Variants in SI observed in about 807,000 individuals in gnomAD.
SI encodes sucrase-isomaltase, intestinal.
A neutral mutation model predicts 253.3 loss-of-function variants in SI; 235 were observed. That is an observed-to-expected ratio of 0.93 (90% CI 0.83 to 1.03). The LOEUF is 1.03. Ranked by LOEUF, SI falls within the 50% of genes least tolerant of loss-of-function variation. The pLI is 0.00. For synonymous variants in SI, 819 were observed against 712.0 expected, an observed-to-expected ratio of 1.15 and a Z score of -2.39; for missense variants, 2,442 against 2,211.1, an observed-to-expected ratio of 1.10 and a Z score of -2.09.
At chr3:165,004,007 G>C (rs1474982883) in intron 37 of SI, among the ~76,000 whole-genome samples, 1 of 151,934 alleles carries the variant, frequency 6.6e-6, no homozygotes, top group East Asian at 1.9e-4. Context: ...GCAGTGAAAA[G>C]ACAAACCACA....
intron 37 of SI, among the ~76,000 whole-genome samples, chr3:165,005,133 C>T (rs996146200): frequency 6.6e-6 from 1 of 152,068 alleles, no homozygotes; most frequent in Non-Finnish European, 1.5e-5. Context: ...GTCAATTCAA[C>T]CTCTTTAAAT....
chr3:165,000,705 A>G (rs1157580275), intron 37 of SI, among the ~76,000 whole-genome samples: 1 of 151,496 alleles, frequency 6.6e-6, no homozygotes, highest in Non-Finnish European at 1.5e-5. Flanking sequence ...CACTAAAGAT[A>G]TAAAGTTCAA....
At position 165,017,829 on chromosome 3, in the gene SI, C is replaced by T. The variant is rs1719113160; in HGVS notation, c.3565G>A (p.Gly1189Arg). ...AACATATAAAAATCCAAGATCCCTCCAACTGTACGGTAAGTTAGAGCAGGA... is the reference window on the plus strand; with the variant it reads ...AACATATAAAAATCCAAGATCCCTCTAACTGTACGGTAAGTTAGAGCAGGA... ...PTPALTYRTV[G>R]GILDFYMFLG... The change falls in exon 30 of 48, where the codon GGA (glycine) becomes AGA (arginine). Residue 1189 changes from glycine to arginine, a missense_variant. Physicochemically the swap from Gly to Arg is moderately radical, Grantham distance 125 (BLOSUM62 -2). Coordinates refer to ENST00000264382, the MANE Select transcript of SI (RefSeq NM_001041.4). The T allele has an allele frequency of 1.9e-6, 3 of 1,613,110 alleles. No homozygotes were observed. Among genetic ancestry groups the T allele is most frequent in the Non-Finnish European group, 2.5e-6 (3 of 1,179,360 alleles).
At chr3:165,087,937 T>C in the SI span, among the ~76,000 whole-genome samples, 3 of 152,220 alleles carry the variant, frequency 2.0e-5, no homozygotes, top group African/African-American at 7.2e-5. Context: ...GAAGGTATAC[T>C]ACAGGAGAAA....
Position 165,027,642 on chromosome 3 carries a change from G to A in SI, c.2892+3070C>T, listed in dbSNP as rs149194735. Among the ~76,000 whole-genome samples the A allele has an allele frequency of 2.6e-3, 401 of 151,322 alleles. 6 individuals are homozygous for A. Among genetic ancestry groups the A allele is most frequent in the African/African-American group, 8.5e-3 (352 of 41,420 alleles). On this transcript the variant is annotated intron_variant, in intron 25 of 47. Coordinates refer to ENST00000264382, the MANE Select transcript of SI (RefSeq NM_001041.4). ...CAAGTGGGTTTCATACTAGGGATAC[G>A]GGGATGGTTTCACATATGCAAGTCA... is the stretch of plus-strand genomic sequence containing the variant.
chr3:165,019,559 T>C (rs551532071), intron 28 of SI, 43 bp downstream of exon 28: 6 of 1,577,626 alleles, frequency 3.8e-6, no homozygotes, highest in African/African-American at 1.4e-5. Flanking sequence ...ATTCTACTCA[T>C]GGTCTTAGTT....
At chr3:164,979,573 A>G in intron 47 of SI, 143 bp from the exon 48 acceptor site, 1 of 550,320 alleles carries the variant, frequency 1.8e-6, no homozygotes, top group South Asian at 2.4e-5. Context: ...ACTCTCAGAA[A>G]GTTTGCAACC....
intron 28 of SI, among the ~76,000 whole-genome samples, chr3:165,019,336 A>C (rs1460758907): frequency 6.6e-6 from 1 of 152,074 alleles, no homozygotes; most frequent in Admixed American, 6.6e-5. Context: ...CTTTGTATGC[A>C]TTTGAAACAG....
chr3:165,082,427 A>C (rs969404106), upstream of SI, among the ~76,000 whole-genome samples: 2 of 151,934 alleles, frequency 1.3e-5, no homozygotes, highest in Non-Finnish European at 2.9e-5. Flanking sequence ...TCTCACCACA[A>C]AATAATTCAA....
In SI at chr3:165,023,588, A is replaced by AT. The variant is rs763342449; in HGVS notation, c.3080dup (p.Asn1027LysfsTer2). ...AGCATACCTTAAACTGCAACATATC[A>AT]TTTTTGTGATATTTCACCTCCACAC... is the stretch of plus-strand genomic sequence containing the variant. On this transcript the variant is annotated frameshift_variant, in exon 26 of 48. Transcript: ENST00000264382. LOFTEE classifies it high-confidence loss of function. The AT allele has an allele frequency of 3.1e-6, 5 of 1,610,420 alleles. No homozygotes were observed. The highest frequency in any genetic ancestry group is 4.2e-6 in the Non-Finnish European group (5 of 1,177,602).
At chr3:165,048,897 G>A (rs534126222) in intron 15 of SI, among the ~76,000 whole-genome samples, 48 of 152,062 alleles carry the variant, frequency 3.2e-4, no homozygotes, top group African/African-American at 1.2e-3. Context: ...GGTTACATGT[G>A]TGAGCCACTG....
chr3:165,003,242 T>C (rs896311321), intron 37 of SI, among the ~76,000 whole-genome samples: 2 of 151,974 alleles, frequency 1.3e-5, no homozygotes, highest in Admixed American at 6.6e-5. Flanking sequence ...AGGAATTTTT[T>C]TTTCAATTTT....
At chr3:165,014,453 G>A (rs559244664) in intron 33 of SI, among the ~76,000 whole-genome samples, 141 of 152,188 alleles carry the variant, frequency 9.3e-4, no homozygotes, top group African/African-American at 3.3e-3. Context: ...GTTTCACCAC[G>A]TTAGCCAGGA....
At chr3:165,044,581 A>G (rs1342890660) in intron 16 of SI, among the ~76,000 whole-genome samples, 2 of 151,844 alleles carry the variant, frequency 1.3e-5, no homozygotes, top group Admixed American at 1.3e-4. Flanking sequence ...TTGCCTGTTT[A>G]TATCTTTTAC....
intron 44 of SI, among the ~76,000 whole-genome samples, chr3:164,989,477 AG>A (rs1717628451): frequency 6.6e-6 from 1 of 151,756 alleles, no homozygotes; most frequent in Non-Finnish European, 1.5e-5. Context: ...AGAGAGGAGA[AG>A]AGAAGAGAAG....
At chr3:165,050,954 T>C (rs1426108975) in intron 13 of SI, among the ~76,000 whole-genome samples, 2 of 152,084 alleles carry the variant, frequency 1.3e-5, no homozygotes, top group Non-Finnish European at 2.9e-5. Context: ...TACTACTTTC[T>C]GAGACTTCCC....
In SI at chr3:165,017,560, A is replaced by T. The variant is rs376071279; in HGVS notation, c.3747T>A (p.Ala1249=). The T allele has an allele frequency of 1.2e-6, 2 of 1,612,040 alleles. No homozygotes were observed. The highest frequency in any genetic ancestry group is 1.7e-6 in the Non-Finnish European group (2 of 1,178,576). Residue 1249 remains alanine (A), a synonymous_variant, in exon 31 of 48, where the codon GCT becomes GCA. Transcript: ENST00000264382. ...VRELYDAMVA[A]NIPYDVQYTD... ...TTGATATACATACATAGGGGATGTT[A>T]GCAGCCACCATAGCGTCATATAATT... is the stretch of plus-strand genomic sequence containing the variant.
chr3:165,058,891 C>T, intron 12 of SI, 72 bp downstream of exon 12: 1 of 1,284,456 alleles, frequency 7.8e-7, no homozygotes, highest in Non-Finnish European at 1.1e-6. Context: ...CACACACGCA[C>T]ATCCACAGAA....
intron 6 of SI, among the ~76,000 whole-genome samples, chr3:165,066,455 T>C (rs987854568): frequency 3.3e-5 from 5 of 151,954 alleles, no homozygotes; most frequent in African/African-American, 9.7e-5. Flanking sequence ...TTAGAATTTA[T>C]AGTAGTCTCT....
Sources: gnomAD v4.1 joint callset for allele counts (sites outside exome capture counted in the v4.1 genomes callset) on GRCh38, gnomAD v4.1.1 for gene constraint, MANE v1.5 for transcripts, NCBI Gene and HGNC (gene_info 2026-07-23, HGNC 2026-07-21) for gene names.